The following NTN1 variants were observed in gnomAD, a reference collection of about 807,000 sequenced individuals.
NTN1 encodes netrin-1.
In NTN1, 11 loss-of-function variants were observed where a neutral mutation model predicts 54.2. That is an observed-to-expected ratio of 0.20 (90% confidence interval 0.13 to 0.34). The LOEUF (loss-of-function observed/expected upper bound fraction) is 0.34. NTN1 is among the 10% of genes least tolerant of loss of function. The pLI is 1.00. For missense variants in NTN1, 740 were observed against 893.1 expected, an observed-to-expected ratio of 0.83 and a Z score of 2.18; for synonymous variants, 371 against 382.0, an observed-to-expected ratio of 0.97 and a Z score of 0.33.
In NTN1 at chr17:9,170,323, G is replaced by A. The variant is rs149926729; in HGVS notation, c.1207+7322G>A. ...TATGGCAGCTATTATGATTATTTGT[G>A]CAAGTCAGAGAAAACAGAAACACTA... On this transcript the variant is annotated intron_variant, in intron 3 of 6. Coordinates refer to ENST00000173229, the MANE Select transcript of NTN1 (RefSeq NM_004822.3). Among the ~76,000 whole-genome samples, 259 of 152,322 alleles carry A rather than the reference G, an allele frequency of 1.7e-3. 9 individuals are homozygous for A. In the East Asian group the frequency reaches 0.044, roughly 26 times the overall value.
At chr17:9,076,891 C>T (rs1030979609) in intron 2 of NTN1, among the ~76,000 whole-genome samples, 1 of 152,248 alleles carries the variant, frequency 6.6e-6, no homozygotes, top group Non-Finnish European at 1.5e-5. Context: ...GACTCAGCCC[C>T]TGCCTCCTGG....
At chr17:9,202,293 G>A (rs1314597765) in intron 5 of NTN1, among the ~76,000 whole-genome samples, 3 of 152,022 alleles carry the variant, frequency 2.0e-5, no homozygotes, top group African/African-American at 7.2e-5. Context: ...CCTGAGACAT[G>A]TCCTGCTGAG....
chr17:9,229,026 CTG>C (rs10551762), intron 6 of NTN1, among the ~76,000 whole-genome samples: 118,658 of 150,116 alleles, frequency 0.79, 46,871 homozygotes, highest in East Asian at 0.85. Context: ...CTGTGTGAGA[CTG>C]TGTGACTGGG....
chr17:9,164,430 A>T (rs963909681), intron 3 of NTN1, among the ~76,000 whole-genome samples: 5 of 151,886 alleles, frequency 3.3e-5, no homozygotes, highest in Admixed American at 3.3e-4. Context: ...GTCTCGAAAA[A>T]AAAAAAAGAA....
At chr17:9,017,277 GC>G (rs2091833836), upstream of NTN1, among the ~76,000 whole-genome samples, 2 of 132,352 alleles carry the variant, frequency 1.5e-5, no homozygotes. Flanking sequence ...GTCTACACCT[GC>G]TATTTCCACT....
chr17:9,053,073 C>T (rs770035017), intron 2 of NTN1, among the ~76,000 whole-genome samples: 2 of 152,206 alleles, frequency 1.3e-5, no homozygotes, highest in Non-Finnish European at 2.9e-5. Context: ...AACTGTAGCC[C>T]GTGGGCCAAA....
At chr17:9,053,887 A>C (rs1597471137) in intron 2 of NTN1, among the ~76,000 whole-genome samples, 1 of 152,210 alleles carries the variant, frequency 6.6e-6, no homozygotes, top group Non-Finnish European at 1.5e-5. Context: ...TCCCTTAAGC[A>C]GGGCTCATGA....
Position 9,051,381 on chromosome 17 carries a change from C to T in NTN1, c.1018+27990C>T, listed in dbSNP as rs115857135. 8.8e-3 allele frequency among the ~76,000 whole-genome samples: 1,346 copies of T among 152,224 alleles called. 24 individuals are homozygous for T. The highest frequency in any genetic ancestry group is 0.031 in the African/African-American group (1,269 of 41,540). On this transcript the variant is annotated intron_variant, in intron 2 of 6. Coordinates refer to ENST00000173229, the MANE Select transcript of NTN1 (RefSeq NM_004822.3). ...TTGCTTCTGTTGCTGACCCTGGGTCCGGATTCGTTAGAGGTAAATAAGAGC... is the reference window on the plus strand; with the variant it reads ...TTGCTTCTGTTGCTGACCCTGGGTCTGGATTCGTTAGAGGTAAATAAGAGC...
chr17:9,015,833 G>A, the NTN1 span, among the ~76,000 whole-genome samples: 10 of 152,128 alleles, frequency 6.6e-5, no homozygotes, highest in East Asian at 5.8e-4. Flanking sequence ...CACTTTGGGA[G>A]GCCAAGGCGG....
chr17:9,185,508 C>T (rs2092430579), intron 5 of NTN1, among the ~76,000 whole-genome samples: 1 of 152,190 alleles, frequency 6.6e-6, no homozygotes, highest in Non-Finnish European at 1.5e-5. Context: ...GGCCAGCTCA[C>T]TCAGGGAATG....
At chr17:9,149,590 C>T (rs2142287520) in intron 2 of NTN1, among the ~76,000 whole-genome samples, 1 of 152,184 alleles carries the variant, frequency 6.6e-6, no homozygotes, top group East Asian at 1.9e-4. Flanking sequence ...CTTCTTGGGA[C>T]CTTGTTCTTC....
chr17:9,149,936 G>A (rs192752543), intron 2 of NTN1, among the ~76,000 whole-genome samples: 166 of 151,906 alleles, frequency 1.1e-3, no homozygotes, highest in South Asian at 4.4e-3. Flanking sequence ...GCATGGTGGC[G>A]CACACCTGCA....
intron 2 of NTN1, among the ~76,000 whole-genome samples, chr17:9,070,059 G>A (rs750062733): frequency 6.6e-6 from 1 of 152,174 alleles, no homozygotes; most frequent in African/African-American, 2.4e-5. Context: ...TTCTTCGTAG[G>A]TTGTGTAGAC....
chr17:9,149,362 G>C (rs754942891), intron 2 of NTN1, among the ~76,000 whole-genome samples: 1 of 151,170 alleles, frequency 6.6e-6, no homozygotes, highest in African/African-American at 2.4e-5. Flanking sequence ...GGCAACAAAA[G>C]CTTCCGGGAG....
At chr17:9,127,820 A>G (rs1274964558) in intron 2 of NTN1, among the ~76,000 whole-genome samples, 4 of 152,144 alleles carry the variant, frequency 2.6e-5, no homozygotes, top group Non-Finnish European at 5.9e-5. Flanking sequence ...AGTTCCTCTA[A>G]AAGTATTCTA....
chr17:9,073,784 G>C (rs2092040375), intron 2 of NTN1, among the ~76,000 whole-genome samples: 1 of 152,240 alleles, frequency 6.6e-6, no homozygotes, highest in Non-Finnish European at 1.5e-5. Context: ...CTTGGTGGGT[G>C]CCTGGCTCGG....
At chr17:9,103,878 G>A (rs1288134966) in intron 2 of NTN1, among the ~76,000 whole-genome samples, 1 of 151,924 alleles carries the variant, frequency 6.6e-6, no homozygotes, top group Non-Finnish European at 1.5e-5. Context: ...CTGAGGTCAG[G>A]AGTTCAAGAC....
chr17:9,232,793 G>C (rs1002512628), intron 6 of NTN1, among the ~76,000 whole-genome samples: 1 of 152,142 alleles, frequency 6.6e-6, no homozygotes, highest in Non-Finnish European at 1.5e-5. Flanking sequence ...AAGGAGTCAG[G>C]AGAGGGCAGA....
At chr17:9,096,366 CT>C (rs1555567412) in intron 2 of NTN1, among the ~76,000 whole-genome samples, 7,419 of 90,810 alleles carry the variant, frequency 0.082, 876 homozygotes, top group Middle Eastern at 0.21. Context: ...TATGGGTAGA[CT>C]TTTTTTTTTT....
Sources: gnomAD v4.1 joint callset for allele counts (sites outside exome capture counted in the v4.1 genomes callset) on GRCh38, gnomAD v4.1.1 for gene constraint, MANE v1.5 for transcripts, NCBI Gene and HGNC (gene_info 2026-07-23, HGNC 2026-07-21) for gene names.